TBC1D8: variants seen among roughly 807,000 people sequenced by gnomAD.
TBC1D8 encodes the protein BUB2-like protein 1.
Under a neutral mutation model 118.8 loss-of-function variants are expected in TBC1D8, and 65 were observed. The observed-to-expected ratio is 0.55, with a 90% CI of 0.45 to 0.67. The LOEUF (loss-of-function observed/expected upper bound fraction) is 0.67, where lower values mean the gene tolerates loss of function less well. Ranked by LOEUF, TBC1D8 falls within the 30% of genes least tolerant of loss-of-function variation. The probability of loss-of-function intolerance (pLI) is 0.00; values close to 1 mark genes in which losing one functional copy is unlikely to be tolerated. For synonymous variants in TBC1D8, 566 were observed against 595.8 expected (o/e 0.95, Z 0.73); for missense variants, 1,376 against 1,471.2 (o/e 0.94, Z 1.06).
intron 10 of TBC1D8, 25 bp from the exon 11 acceptor site, chr2:101,032,410 T>C (rs1680723448): frequency 6.3e-7 from 1 of 1,594,324 alleles, no homozygotes; most frequent in Non-Finnish European, 8.6e-7. Context: ...AGGAGGGCAG[T>C]TACTGACTGG....
intron 1 of TBC1D8, among the ~76,000 whole-genome samples, chr2:101,101,825 C>A (rs559393270): frequency 6.6e-6 from 1 of 152,082 alleles, no homozygotes; most frequent in African/African-American, 2.4e-5. Flanking sequence ...TGTTCTCACT[C>A]ATAAGTGGGA....
At position 101,022,300 on chromosome 2, in the gene TBC1D8, T is replaced by C. The variant is rs1039870236; in HGVS notation, c.2742A>G (p.Lys914=). The change falls in exon 16 of 20, where the codon AAA becomes AAG. Residue 914 remains lysine (K), a synonymous_variant. Transcript: ENST00000409318. ...GCATACCGAGGCAGCTCACAAACGCTTTGAACTCGATGAGCTGGTCCATGT... is the reference window on the plus strand; with the variant it reads ...GCATACCGAGGCAGCTCACAAACGCCTTGAACTCGATGAGCTGGTCCATGT... The part of the protein sequence containing the change: ...DDNMDQLIEF[K]AFVSCLDIMY... 1.2e-6 allele frequency: 2 copies of C among 1,613,368 alleles called. No homozygotes were observed. Among genetic ancestry groups the C allele is most frequent in the African/African-American group, 2.7e-5 (2 of 74,924 alleles).
At chr2:101,020,048 G>T (rs1434194251) in intron 17 of TBC1D8, among the ~76,000 whole-genome samples, 2 of 150,410 alleles carry the variant, frequency 1.3e-5, no homozygotes, top group South Asian at 4.3e-4. Flanking sequence ...ATTCCAGCCT[G>T]GGCCACAGAG....
chr2:101,103,566 G>A (rs538558485), intron 1 of TBC1D8, among the ~76,000 whole-genome samples: 80 of 151,980 alleles, frequency 5.3e-4, no homozygotes, highest in African/African-American at 1.7e-3. Context: ...TAATTTTTTT[G>A]TATTTTTAGT....
chr2:101,012,376 A>C (rs1331396517), intron 17 of TBC1D8, among the ~76,000 whole-genome samples: 2 of 152,260 alleles, frequency 1.3e-5, no homozygotes, highest in East Asian at 3.8e-4. Context: ...AAAGGAATGA[A>C]GCACTGACGC....
At chr2:101,070,242 T>G (rs1380837449) in intron 2 of TBC1D8, among the ~76,000 whole-genome samples, 1 of 151,810 alleles carries the variant, frequency 6.6e-6, no homozygotes, top group African/African-American at 2.4e-5. Context: ...AACCTGAATT[T>G]GAAGATACAT....
chr2:101,146,094 G>A (rs1029304119), intron 1 of TBC1D8, among the ~76,000 whole-genome samples: 7 of 152,090 alleles, frequency 4.6e-5, no homozygotes, highest in Admixed American at 2.6e-4. Context: ...TAACCATTAT[G>A]CATTGCTGAT....
At chr2:101,052,733 C>T (rs1682154037) in intron 4 of TBC1D8, among the ~76,000 whole-genome samples, 1 of 152,146 alleles carries the variant, frequency 6.6e-6, no homozygotes, top group Non-Finnish European at 1.5e-5. Flanking sequence ...GGTTTAGTGA[C>T]AATCACTAAT....
rs374388406 is a variant in TBC1D8 at position 101,033,628 on chromosome 2, G to T, written c.1734C>A (p.Ala578=). 2.7e-5 allele frequency: 43 copies of T among 1,613,854 alleles called. No individual in the cohort carries two copies. Among genetic ancestry groups the T allele is most frequent in the Middle Eastern group, 3.3e-4 (2 of 6,084 alleles). The part of the protein sequence containing the change: ...DLHRSLPEHP[A]FQNETGIAAL... Reference sequence around the variant, plus strand: ...CAGCAATTCCCGTTTCGTTCTGGAAGGCGGGGTGCTCTGGCAGGGAGCGGT... The same window carrying T: ...CAGCAATTCCCGTTTCGTTCTGGAATGCGGGGTGCTCTGGCAGGGAGCGGT... Residue 578 remains alanine, a synonymous_variant, in exon 10 of 20, where the codon GCC becomes GCA. Transcript: ENST00000409318.
chr2:101,108,721 C>G (rs1677388350), intron 1 of TBC1D8, among the ~76,000 whole-genome samples: 1 of 151,704 alleles, frequency 6.6e-6, no homozygotes. Flanking sequence ...GGCACCCCAC[C>G]CTCCCCACCC....
intron 17 of TBC1D8, chr2:101,019,087 T>G: frequency 3.8e-6 from 6 of 1,585,292 alleles, no homozygotes; most frequent in Non-Finnish European, 5.1e-6. Context: ...GGCTCTTCAT[T>G]GCTTCCTGAG....
At chr2:101,097,113 A>G (rs1203320532) in intron 1 of TBC1D8, among the ~76,000 whole-genome samples, 1 of 152,248 alleles carries the variant, frequency 6.6e-6, no homozygotes, top group Non-Finnish European at 1.5e-5. Flanking sequence ...AACAAAGATA[A>G]GAATTACTGC....
chr2:101,011,518 G>C lies in TBC1D8; in HGVS notation c.2850C>G (p.Asp950Glu), dbSNP rs1171201433. 6.2e-7 allele frequency: 1 copy of C among 1,613,964 alleles called. No homozygotes were observed. Among genetic ancestry groups the C allele is most frequent in the East Asian group, 2.2e-5 (1 of 44,888 alleles). ...GAGGATTCCTCAACGGCGACTGGCT[G>C]TCTCGGTCATTTTCAGTGAGTGCTT... ...IPPALTENDR[D>E]SQSPLRNPLL... The change falls in exon 18 of 20, where the codon GAC becomes GAG. Residue 950 changes from aspartate (D) to glutamate (E), a missense_variant. By Grantham distance (45) the Asp-to-Glu change is conservative (BLOSUM62 2). Transcript: ENST00000409318.
chr2:101,030,833 A>G (rs1408826494), intron 11 of TBC1D8, among the ~76,000 whole-genome samples: 4 of 152,224 alleles, frequency 2.6e-5, no homozygotes, highest in African/African-American at 9.6e-5. Context: ...ATGCACCAAC[A>G]ATGTGGCTGC....
At chr2:101,121,571 C>T (rs183416885) in intron 1 of TBC1D8, among the ~76,000 whole-genome samples, 1 of 152,370 alleles carries the variant, frequency 6.6e-6, no homozygotes, top group East Asian at 1.9e-4. Context: ...AGAGAGCTCT[C>T]TGAGGTCTCA....
At chr2:101,041,864 A>C (rs976410890) in intron 5 of TBC1D8, among the ~76,000 whole-genome samples, 5 of 152,048 alleles carry the variant, frequency 3.3e-5, no homozygotes, top group African/African-American at 1.2e-4. Flanking sequence ...TCTCTACAAA[A>C]AAATACAAAC....
Position 101,050,605 on chromosome 2 carries a change from A to C in TBC1D8, c.668T>G (p.Leu223Ter). The change falls in exon 5 of 20, where the codon TTA (leucine) becomes TGA (stop). Residue 223 changes from leucine (L) to a stop codon, truncating the protein, a stop_gained. Coordinates refer to ENST00000409318, the MANE Select transcript of TBC1D8 (RefSeq NM_001330348.2). LOFTEE classifies it high-confidence loss of function. ...CAGAAAGACATTGGACGTTCTTTCT[A>C]ATTTCTGGATATCAACCCACGGAAC... The part of the protein sequence containing the change: ...LVVPWVDIQK[L>*]ERTSNVFLTD... 6.2e-7 allele frequency: 1 copy of C among 1,613,978 alleles called. No homozygotes were observed. Among genetic ancestry groups the C allele is most frequent in the Non-Finnish European group, 8.5e-7 (1 of 1,179,878 alleles).
Position 101,007,676 on chromosome 2 carries a change from C to A in TBC1D8, c.*145G>T. 1.2e-6 allele frequency: 1 copy of A among 807,820 alleles called. No homozygotes were observed. The highest frequency in any genetic ancestry group is 1.7e-5 in the South Asian group (1 of 58,206). The allele number at this position is 807,820 out of a possible 1,614,324, so 50.0% of individuals were successfully genotyped here. A position where few individuals can be genotyped will look rare whatever the true frequency, so the allele number is the denominator to read the frequency against. ...AAATGCTTGAGGGTTGTGTCGGTTCCCCTGGCCACAGTTTGTCAGGTTGTT... is the reference window on the plus strand; with the variant it reads ...AAATGCTTGAGGGTTGTGTCGGTTCACCTGGCCACAGTTTGTCAGGTTGTT... On this transcript the variant is annotated 3_prime_UTR_variant, in exon 20 of 20. Transcript: ENST00000409318.
intron 17 of TBC1D8, among the ~76,000 whole-genome samples, chr2:101,015,324 G>C (rs1268709635): frequency 6.6e-6 from 1 of 152,208 alleles, no homozygotes. Context: ...GGGCAAATCA[G>C]TGAGTAGCGA....
Sources: gnomAD v4.1 joint callset for allele counts (sites outside exome capture counted in the v4.1 genomes callset) on GRCh38, gnomAD v4.1.1 for gene constraint, MANE v1.5 for transcripts, NCBI Gene and HGNC (gene_info 2026-07-23, HGNC 2026-07-21) for gene names.